PLD5: variants seen among roughly 807,000 people sequenced by gnomAD.
PLD5 encodes the protein phospholipase D family member 5.
Under a neutral mutation model 61.1 loss-of-function variants are expected in PLD5, and 36 were observed. That is an observed-to-expected ratio of 0.59 (90% CI 0.45 to 0.78). The LOEUF (loss-of-function observed/expected upper bound fraction) is 0.78. Among genes scored for constraint, PLD5 ranks in the 30% least tolerant of loss-of-function variants. The probability of loss-of-function intolerance (pLI) is 0.00; values close to 1 mark genes in which losing one functional copy is unlikely to be tolerated. For missense variants in PLD5, 515 were observed against 644.4 expected (o/e 0.80, Z 2.17); for synonymous variants, 243 against 242.8 (o/e 1.00, Z -0.01).
chr1:242,313,906 C>T (rs991141776), intron 2 of PLD5, among the ~76,000 whole-genome samples: 8 of 151,966 alleles, frequency 5.3e-5, no homozygotes, highest in African/African-American at 1.7e-4. Flanking sequence ...TGAATATCAC[C>T]TTGAGATAAC....
chr1:242,211,958 C>T (rs1669852433), intron 5 of PLD5, among the ~76,000 whole-genome samples: 2 of 152,120 alleles, frequency 1.3e-5, no homozygotes, highest in Non-Finnish European at 2.9e-5. Context: ...CCCATGGTTC[C>T]CTGAAGAAGG....
At chr1:242,289,516 CT>C (rs914016284) in intron 2 of PLD5, among the ~76,000 whole-genome samples, 3 of 151,784 alleles carry the variant, frequency 2.0e-5, no homozygotes, top group East Asian at 1.9e-4. Flanking sequence ...GCCTGGCTAA[CT>C]TTTTTTTGTG....
chr1:242,517,665 T>C (rs1055822171), intron 1 of PLD5, among the ~76,000 whole-genome samples: 1 of 152,356 alleles, frequency 6.6e-6, no homozygotes, highest in Middle Eastern at 3.4e-3. Flanking sequence ...TGCATTTTTC[T>C]ATTTAATCAT....
At position 242,256,656 on chromosome 1, in the gene PLD5, C is replaced by T. The variant is rs1366015389; in HGVS notation, c.607+8681G>A. 6.6e-6 allele frequency among the ~76,000 whole-genome samples: 1 copy of T among 152,166 alleles called. No homozygotes were observed. The highest frequency in any genetic ancestry group is 2.4e-5 in the African/African-American group (1 of 41,452). ...CTGCTGGTGCCTTGATCTTAAACTT[C>T]CAGACCCCAGAACTGTGAAAAAATA... On this transcript the variant is annotated intron_variant, in intron 4 of 9. Transcript: ENST00000536534. The surrounding 1 kb of genome is among the most constrained non-coding windows in gnomAD (Gnocchi z 5.7).
rs1663048047 is a variant in PLD5 at position 242,393,233 on chromosome 1, TA to T, written c.190-44992del. On this transcript the variant is annotated intron_variant, in intron 1 of 9. Transcript: ENST00000536534. Reference sequence around the variant, plus strand: ...ATATATATATATATATGAGTATATATATGTGTATATATATGAGTATATATAT... The same window carrying T: ...ATATATATATATATATGAGTATATATTGTGTATATATATGAGTATATATAT... Among the ~76,000 whole-genome samples the T allele has an allele frequency of 2.4e-5, 2 of 83,674 alleles. 1 individual carries two copies. Among genetic ancestry groups the T allele is most frequent in the Admixed American group, 3.3e-4 (2 of 5,974 alleles). The allele number at this position is 83,674 out of a possible 152,430, so 54.9% of individuals were successfully genotyped here.
intron 3 of PLD5, among the ~76,000 whole-genome samples, chr1:242,284,221 T>G (rs1448591696): frequency 7.7e-6 from 1 of 129,328 alleles, no homozygotes; most frequent in Non-Finnish European, 1.6e-5. Context: ...CACTGCAGCC[T>G]CCGCCTCCCG....
At chr1:242,122,078 T>G (rs1472959412) in intron 6 of PLD5, among the ~76,000 whole-genome samples, 1 of 152,132 alleles carries the variant, frequency 6.6e-6, no homozygotes, top group Non-Finnish European at 1.5e-5. Flanking sequence ...ATCCTAGAAC[T>G]TAAAGTATAA....
chr1:242,377,959 G>A (rs894448082), intron 1 of PLD5, among the ~76,000 whole-genome samples: 1 of 152,162 alleles, frequency 6.6e-6, no homozygotes, highest in Non-Finnish European at 1.5e-5. Context: ...TAGTGTGGTG[G>A]TTTCTCAGAA....
intron 4 of PLD5, among the ~76,000 whole-genome samples, chr1:242,220,364 T>C (rs1048289957): frequency 6.6e-6 from 1 of 152,196 alleles, no homozygotes; most frequent in East Asian, 1.9e-4. Flanking sequence ...TTCCTATGCA[T>C]ATGGCAGAGG....
rs201599694 is a variant in PLD5, at chr1:242,374,579, C to T, written c.190-26337G>A. Among the ~76,000 whole-genome samples, 47 of 152,216 alleles carry T rather than the reference C, an allele frequency of 3.1e-4. No individual in the cohort carries two copies. The East Asian group carries it at 3.5e-3, about 11-fold the overall frequency. Reference sequence around the variant, plus strand: ...ATGAAACCTAAAAATATTACTATAACGTTCCCCTTTGCCTTTCTGTGTAAA... The same window carrying T: ...ATGAAACCTAAAAATATTACTATAATGTTCCCCTTTGCCTTTCTGTGTAAA... On this transcript the variant is annotated intron_variant, in intron 1 of 9. Transcript: ENST00000536534.
intron 1 of PLD5, among the ~76,000 whole-genome samples, chr1:242,402,166 T>C (rs768871209): frequency 2.0e-5 from 3 of 152,236 alleles, no homozygotes; most frequent in Non-Finnish European, 2.9e-5. Context: ...ACAAGGTTAG[T>C]CAATTATGTT....
intron 5 of PLD5, among the ~76,000 whole-genome samples, chr1:242,171,380 A>C (rs1666735943): frequency 6.6e-6 from 1 of 152,218 alleles, no homozygotes; most frequent in Non-Finnish European, 1.5e-5. Flanking sequence ...GAGCTCTTGA[A>C]GGAAGCACTA....
At chr1:242,439,461 G>A (rs1040552337) in intron 1 of PLD5, among the ~76,000 whole-genome samples, 2 of 152,202 alleles carry the variant, frequency 1.3e-5, no homozygotes, top group African/African-American at 4.8e-5. Context: ...CATGTAGTTG[G>A]CCTGATCTCA....
chr1:242,210,515 G>T (rs915296503), intron 5 of PLD5: 2 of 153,988 alleles, frequency 1.3e-5, no homozygotes, highest in Non-Finnish European at 2.9e-5. Flanking sequence ...CGCAAAAGAA[G>T]TGAAAATGGC....
chr1:242,387,990 G>A (rs12409626), intron 1 of PLD5, among the ~76,000 whole-genome samples: 3,158 of 152,220 alleles, frequency 0.021, 118 homozygotes, highest in East Asian at 0.11. Flanking sequence ...AGAAAAAGGC[G>A]ATGATCATAA....
chr1:242,219,057 G>T (rs1670397936), intron 5 of PLD5, among the ~76,000 whole-genome samples: 1 of 152,130 alleles, frequency 6.6e-6, no homozygotes. Context: ...AAACTATAAA[G>T]CTGATAACAT....
chr1:242,231,886 C>T (rs150582236), intron 4 of PLD5, among the ~76,000 whole-genome samples: 6 of 143,440 alleles, frequency 4.2e-5, no homozygotes, highest in Admixed American at 1.4e-4. Context: ...TATCCAGGGG[C>T]AGTAATATCT....
chr1:242,150,246 TG>T (rs1664836182), intron 5 of PLD5, among the ~76,000 whole-genome samples: 1 of 151,154 alleles, frequency 6.6e-6, no homozygotes, highest in Non-Finnish European at 1.5e-5. Context: ...TCTTGAGATA[TG>T]TTCCATATGT....
intron 1 of PLD5, among the ~76,000 whole-genome samples, chr1:242,512,755 G>A (rs1668969455): frequency 6.6e-6 from 1 of 152,192 alleles, no homozygotes. Flanking sequence ...CTGTGGGATG[G>A]TTCAGATGCA....
Sources: gnomAD v4.1 joint callset for allele counts (sites outside exome capture counted in the v4.1 genomes callset) on GRCh38, gnomAD v4.1.1 for gene constraint, Gnocchi (gnomAD v3.1) non-coding constraint, MANE v1.5 for transcripts, NCBI Gene and HGNC (gene_info 2026-07-23, HGNC 2026-07-21) for gene names.